ITPR2: variants seen among roughly 807,000 people sequenced by gnomAD.
ITPR2 encodes inositol 1,4,5-trisphosphate receptor type 2.
A neutral mutation model predicts 317.1 loss-of-function variants in ITPR2; 207 were observed. The ratio of observed to expected loss-of-function variants is 0.65; its 90% CI spans 0.58 to 0.73. The LOEUF is 0.73. Ranked by LOEUF, ITPR2 falls within the 30% of genes least tolerant of loss-of-function variation. The probability of loss-of-function intolerance (pLI) is 0.00; values close to 1 mark genes in which losing one functional copy is unlikely to be tolerated. For missense variants in ITPR2, 2,613 were observed against 3,284.0 expected, an observed-to-expected ratio of 0.80 and a Z score of 4.99; for synonymous variants, 1,156 against 1,149.1, an observed-to-expected ratio of 1.01 and a Z score of -0.12.
intron 55 of ITPR2, among the ~76,000 whole-genome samples, chr12:26,368,798 A>T (rs571289924): frequency 1.3e-5 from 2 of 152,250 alleles, no homozygotes; most frequent in Admixed American, 6.5e-5. Context: ...TAATACAACA[A>T]TGAAAAAAAC....
chr12:26,721,613 C>T (rs1462026735), intron 5 of ITPR2, among the ~76,000 whole-genome samples: 1 of 152,090 alleles, frequency 6.6e-6, no homozygotes, highest in Non-Finnish European at 1.5e-5. Flanking sequence ...GAGCATCGTC[C>T]ATGTGCTAAG....
At chr12:26,790,082 C>T in intron 2 of ITPR2, 75 bp downstream of exon 2, 1 of 944,880 alleles carries the variant, frequency 1.1e-6, no homozygotes, top group South Asian at 1.3e-5. Context: ...AAAGTTTTAA[C>T]ATTACTTACT....
chr12:26,447,819 T>C (rs1167628890), intron 45 of ITPR2, among the ~76,000 whole-genome samples: 1 of 152,016 alleles, frequency 6.6e-6, no homozygotes, highest in Non-Finnish European at 1.5e-5. Context: ...TAGAGACCAA[T>C]TAACATATAC....
intron 55 of ITPR2, among the ~76,000 whole-genome samples, chr12:26,368,716 T>C (rs1380383832): frequency 1.3e-5 from 2 of 152,214 alleles, no homozygotes; most frequent in East Asian, 1.9e-4. Flanking sequence ...CATTTGTTTA[T>C]TCAGTCATTT....
chr12:26,581,517 T>C (rs1395024436), intron 32 of ITPR2, among the ~76,000 whole-genome samples: 2 of 152,162 alleles, frequency 1.3e-5, no homozygotes, highest in Non-Finnish European at 2.9e-5. Flanking sequence ...TTCCAGCATA[T>C]AACATGGTGC....
intron 10 of ITPR2, among the ~76,000 whole-genome samples, chr12:26,687,542 G>A (rs1406338590): frequency 6.6e-6 from 1 of 152,130 alleles, no homozygotes; most frequent in Non-Finnish European, 1.5e-5. Context: ...ATGGACAAGC[G>A]TTTCTTCAAT....
chr12:26,699,715 T>C (rs1284679705), intron 9 of ITPR2, among the ~76,000 whole-genome samples: 2 of 152,184 alleles, frequency 1.3e-5, no homozygotes, highest in South Asian at 2.1e-4. Context: ...TCCAGGGCCA[T>C]ATAAATTTAC....
chr12:26,792,129 C>T (rs1950351444), intron 1 of ITPR2, among the ~76,000 whole-genome samples: 1 of 152,064 alleles, frequency 6.6e-6, no homozygotes, highest in Admixed American at 6.6e-5. Context: ...AATATCTATC[C>T]TCAATTATCT....
chr12:26,425,304 A>G (rs1310294539), intron 49 of ITPR2, among the ~76,000 whole-genome samples: 1 of 152,174 alleles, frequency 6.6e-6, no homozygotes, highest in African/African-American at 2.4e-5. Context: ...GTCAATATCT[A>G]CAATATCAAA....
intron 2 of ITPR2, among the ~76,000 whole-genome samples, chr12:26,775,961 C>CATACATATATATATA (rs1555189746): frequency 1.5e-5 from 1 of 65,654 alleles, no homozygotes; most frequent in Non-Finnish European, 3.9e-5. Flanking sequence ...TATGTATATC[C>CATACATATATATATA]TATTAGTTCT....
chr12:26,395,833 T>C (rs1450004548), intron 54 of ITPR2, among the ~76,000 whole-genome samples: 1 of 152,192 alleles, frequency 6.6e-6, no homozygotes, highest in African/African-American at 2.4e-5. Context: ...TAGGTAGTCC[T>C]CCGCTCAAAT....
chr12:26,813,761 C>T (rs183992316), intron 1 of ITPR2, among the ~76,000 whole-genome samples: 104 of 152,274 alleles, frequency 6.8e-4, no homozygotes, highest in Non-Finnish European at 9.7e-4. Context: ...TGTACGCCAC[C>T]TGAAAGAGTC....
intron 32 of ITPR2, among the ~76,000 whole-genome samples, chr12:26,583,623 T>G (rs998449249): frequency 2.6e-5 from 4 of 152,126 alleles, no homozygotes; most frequent in Non-Finnish European, 5.9e-5. Flanking sequence ...ATTTATGAAT[T>G]CTGATTAATT....
rs1937923574 is a variant in ITPR2, at chr12:26,336,607, T to C, written c.*2790A>G. ...AAGTGTTATTTTAACTCAGAAAACATACTGGCATTAAGCTCTTGAGCCTCA... is the reference window on the plus strand; with the variant it reads ...AAGTGTTATTTTAACTCAGAAAACACACTGGCATTAAGCTCTTGAGCCTCA... On this transcript the variant is annotated 3_prime_UTR_variant, in exon 57 of 57. Coordinates refer to ENST00000381340, the MANE Select transcript of ITPR2 (RefSeq NM_002223.4). 3 of 152,192 alleles carry C rather than the reference T, an allele frequency of 2.0e-5. No individual in the cohort carries two copies. Among genetic ancestry groups the C allele is most frequent in the African/African-American group, 7.2e-5 (3 of 41,442 alleles). The allele number at this position is 152,192 out of a possible 1,614,324, so 9.4% of individuals were successfully genotyped here. A position where few individuals can be genotyped will look rare whatever the true frequency, so the allele number is the denominator to read the frequency against.
In ITPR2 at chr12:26,600,111, T is replaced by G. The variant is rs764804142; in HGVS notation, c.3679-2A>C. The G allele has an allele frequency of 3.7e-6, 6 of 1,607,292 alleles. No individual in the cohort carries two copies. The highest frequency in any genetic ancestry group is 5.1e-6 in the Non-Finnish European group (6 of 1,175,650). On this transcript the variant is annotated splice_acceptor_variant, in intron 28 of 56. Transcript: ENST00000381340. LOFTEE classifies it high-confidence loss of function. ...TACTTCATTCATCTTTTCATCATTCTGTAAGTTAAAGAATAGCACATGATA... is the reference window on the plus strand; with the variant it reads ...TACTTCATTCATCTTTTCATCATTCGGTAAGTTAAAGAATAGCACATGATA...
intron 13 of ITPR2, among the ~76,000 whole-genome samples, chr12:26,671,766 A>G (rs1403003388): frequency 2.0e-5 from 3 of 152,244 alleles, no homozygotes; most frequent in African/African-American, 7.2e-5. Context: ...AATTGGATAA[A>G]GAGTCAAGAC....
chr12:26,664,894 ATAAC>A (rs1261250190), intron 14 of ITPR2, among the ~76,000 whole-genome samples: 2 of 152,182 alleles, frequency 1.3e-5, no homozygotes, highest in Non-Finnish European at 2.9e-5. Context: ...GCTACATATA[ATAAC>A]TAACATTATG....
At chr12:26,735,442 A>C (rs886714442) in intron 2 of ITPR2, among the ~76,000 whole-genome samples, 2 of 152,050 alleles carry the variant, frequency 1.3e-5, no homozygotes, top group Admixed American at 1.3e-4. Context: ...GAAAAGAGTA[A>C]GGGAAGGGGA....
chr12:26,708,128 G>A (rs1948588658), intron 9 of ITPR2, among the ~76,000 whole-genome samples: 1 of 152,148 alleles, frequency 6.6e-6, no homozygotes, highest in African/African-American at 2.4e-5. Flanking sequence ...GGAGAAAGGG[G>A]AACCCTCACA....
Sources: allele counts gnomAD v4.1 joint callset (sites outside exome capture counted in the v4.1 genomes callset), GRCh38; gene constraint gnomAD v4.1.1; transcripts MANE v1.5; gene names NCBI Gene and HGNC (gene_info 2026-07-23, HGNC 2026-07-21).